ABAT: variants seen among roughly 807,000 people sequenced by gnomAD.
The protein encoded by ABAT is 4-aminobutyrate aminotransferase.
Under a neutral mutation model 64.6 loss-of-function variants are expected in ABAT, and 45 were observed. That is an observed-to-expected ratio of 0.70 (90% CI 0.55 to 0.89). The LOEUF is 0.89. Ranked by LOEUF, ABAT falls within the 40% of genes least tolerant of loss-of-function variation. The pLI is 0.00. For synonymous variants in ABAT, 297 were observed against 250.5 expected (o/e 1.19, Z -1.75); for missense variants, 633 against 658.4 (o/e 0.96, Z 0.42).
At chr16:8,727,336 TC>T (rs1427836670) in intron 1 of ABAT, among the ~76,000 whole-genome samples, 4 of 152,154 alleles carry the variant, frequency 2.6e-5, no homozygotes, top group African/African-American at 4.8e-5. Context: ...CTCTATGATT[TC>T]TTACCACACC....
chr16:8,729,724 G>C (rs1303662426), intron 1 of ABAT, among the ~76,000 whole-genome samples: 1 of 151,592 alleles, frequency 6.6e-6, no homozygotes, highest in South Asian at 2.1e-4. Context: ...TACTTGGCAG[G>C]GCTAAGGTGG....
intron 1 of ABAT, among the ~76,000 whole-genome samples, chr16:8,698,359 G>C (rs76837912): frequency 0.02 from 3,016 of 151,394 alleles, 105 homozygotes; most frequent in African/African-American, 0.068. Context: ...TTGAGACGGA[G>C]TTCCACTTTT....
At chr16:8,773,344 A>G (rs6497959) in intron 12 of ABAT, among the ~76,000 whole-genome samples, 37,357 of 151,828 alleles carry the variant, frequency 0.25, 7,477 homozygotes, top group African/African-American at 0.55. Context: ...CAGAGACGAG[A>G]TTTCGCCATG....
intron 1 of ABAT, among the ~76,000 whole-genome samples, chr16:8,691,944 A>C (rs914643114): frequency 1.3e-5 from 2 of 152,210 alleles, no homozygotes; most frequent in South Asian, 2.1e-4. Context: ...CACAACTTCT[A>C]TACCCCTTCC....
intron 6 of ABAT, among the ~76,000 whole-genome samples, chr16:8,758,114 G>A (rs1329679866): frequency 6.6e-6 from 1 of 152,188 alleles, no homozygotes; most frequent in African/African-American, 2.4e-5. Flanking sequence ...TGTTTATGGA[G>A]AGCATAATTT....
chr16:8,769,118 C>T, intron 11 of ABAT, 145 bp downstream of exon 11: 2 of 1,133,960 alleles, frequency 1.8e-6, no homozygotes, highest in Non-Finnish European at 2.6e-6. Context: ...GACACAGAGG[C>T]CTTGCGTCCC....
intron 1 of ABAT, among the ~76,000 whole-genome samples, chr16:8,697,246 C>G (rs552542587): frequency 1.3e-5 from 2 of 152,186 alleles, no homozygotes; most frequent in African/African-American, 4.8e-5. Context: ...GCAGGTCCCA[C>G]GTTGGGAGGA....
At chr16:8,709,413 G>A (rs1193843042) in intron 1 of ABAT, among the ~76,000 whole-genome samples, 3 of 151,224 alleles carry the variant, frequency 2.0e-5, no homozygotes, top group Non-Finnish European at 2.9e-5. Flanking sequence ...TCACTCTGTC[G>A]CCCAGGCTGG....
At chr16:8,737,182 TA>T (rs2058968102) in intron 2 of ABAT, 1 of 152,128 alleles carries the variant, frequency 6.6e-6, no homozygotes, top group African/African-American at 2.4e-5. Context: ...GGCTTTATTT[TA>T]AAATAAACAT....
At chr16:8,735,629 G>T in intron 1 of ABAT, 70 bp from the exon 2 acceptor site, 1 of 1,254,132 alleles carries the variant, frequency 8.0e-7, no homozygotes, top group Non-Finnish European at 1.1e-6. Context: ...GGAAGTGGTG[G>T]GGATGGGATC....
intron 1 of ABAT, among the ~76,000 whole-genome samples, chr16:8,699,041 A>G (rs1596404317): frequency 6.6e-6 from 1 of 152,318 alleles, no homozygotes; most frequent in South Asian, 2.1e-4. Flanking sequence ...TCTTTGGGGT[A>G]TGTACCTAGG....
In ABAT at chr16:8,752,477, G is replaced by T. The variant is rs145744979; in HGVS notation, c.316+1938G>T. Among the ~76,000 whole-genome samples, 21 of 152,334 alleles carry T rather than the reference G, an allele frequency of 1.4e-4. No homozygotes were observed. The East Asian group carries it at 3.9e-3, about 28-fold the overall frequency. On this transcript the variant is annotated intron_variant, in intron 5 of 15. Coordinates refer to ENST00000268251, the MANE Select transcript of ABAT (RefSeq NM_020686.6). ...CATTTGTTTAAAAAACTAGAAGTTTGGTCGGGCACGGTGGAGCACGCTGAT... is the reference window on the plus strand; with the variant it reads ...CATTTGTTTAAAAAACTAGAAGTTTTGTCGGGCACGGTGGAGCACGCTGAT...
chr16:8,753,334 A>C (rs543975198), intron 5 of ABAT, among the ~76,000 whole-genome samples: 100 of 152,090 alleles, frequency 6.6e-4, no homozygotes, highest in African/African-American at 2.4e-3. Flanking sequence ...TGACCTCGTG[A>C]TCCACCCACC....
chr16:8,722,866 T>C (rs2058413180), intron 1 of ABAT: 1 of 1,288,996 alleles, frequency 7.8e-7, no homozygotes, highest in African/African-American at 1.5e-5. Context: ...TTGGGGAAAA[T>C]GCTGTGGCAA....
At chr16:8,681,601 CTTTCTGCAT>C (rs1294896967) in intron 1 of ABAT, among the ~76,000 whole-genome samples, 4 of 147,908 alleles carry the variant, frequency 2.7e-5, no homozygotes, top group African/African-American at 1.0e-4. Context: ...GAAATGAGGT[CTTTCTGCAT>C]TAGAGTGGCC....
intron 1 of ABAT, chr16:8,720,611 T>C (rs2058341279): frequency 6.6e-6 from 1 of 152,276 alleles, no homozygotes; most frequent in Non-Finnish European, 1.5e-5. Context: ...TGCCCCTGAA[T>C]GGGGCCCTGT....
chr16:8,716,309 C>T (rs1317871728), intron 1 of ABAT, among the ~76,000 whole-genome samples: 3 of 151,804 alleles, frequency 2.0e-5, no homozygotes, highest in Admixed American at 6.6e-5. Flanking sequence ...TTTTTTGCTA[C>T]GAGTGGATAA....
intron 3 of ABAT, among the ~76,000 whole-genome samples, chr16:8,747,368 C>T (rs1239460035): frequency 6.6e-6 from 1 of 152,006 alleles, no homozygotes; most frequent in African/African-American, 2.4e-5. Flanking sequence ...TTTTATAAAT[C>T]CAGAAATCTT....
chr16:8,730,328 T>A (rs1325657046), intron 1 of ABAT, among the ~76,000 whole-genome samples: 2 of 152,134 alleles, frequency 1.3e-5, no homozygotes, highest in Non-Finnish European at 2.9e-5. Flanking sequence ...CTTCATTCAC[T>A]CTTTCCTTCT....
Sources: allele counts gnomAD v4.1 joint callset (sites outside exome capture counted in the v4.1 genomes callset), GRCh38; gene constraint gnomAD v4.1.1; transcripts MANE v1.5; gene names NCBI Gene and HGNC (gene_info 2026-07-23, HGNC 2026-07-21).